The following WDR26 variants were observed in gnomAD, a reference collection of about 807,000 sequenced individuals.
WDR26 encodes the protein WD repeat-containing protein 26.
Under a neutral mutation model 84.1 loss-of-function variants are expected in WDR26, and 5 were observed. The ratio of observed to expected loss-of-function variants is 0.06; its 90% CI spans 0.03 to 0.13. The LOEUF (loss-of-function observed/expected upper bound fraction) is 0.13. Among genes scored for constraint, WDR26 ranks in the 10% least tolerant of loss-of-function variants. WDR26 has a pLI of 1.00. For missense variants in WDR26, 642 were observed against 974.9 expected (o/e 0.66, Z 4.55); for synonymous variants, 415 against 389.6 (o/e 1.07, Z -0.77).
rs951255288 is a variant in WDR26 at position 224,389,407 on chromosome 1, T to A, written c.*428A>T. On this transcript the variant is annotated 3_prime_UTR_variant, in exon 14 of 14. Coordinates refer to ENST00000414423, the MANE Select transcript of WDR26 (RefSeq NM_001379403.1). The stretch of plus-strand genomic sequence containing the variant: ...AAATTCTTTCCTATCCAATGTATAC[T>A]CTTCAGACTAATGCACTCTTTCTAT... 2.6e-6 allele frequency: 1 copy of A among 386,094 alleles called. No homozygotes were observed. Among genetic ancestry groups the A allele is most frequent in the African/African-American group, 2.1e-5 (1 of 47,844 alleles). 23.9% of individuals were successfully genotyped at this position (386,094 alleles called of 1,614,324 possible). A position where few individuals can be genotyped will look rare whatever the true frequency, so the allele number is the denominator to read the frequency against.
intron 6 of WDR26, among the ~76,000 whole-genome samples, chr1:224,412,368 CTGAGA>C (rs1321741865): frequency 2.0e-5 from 3 of 152,136 alleles, no homozygotes; most frequent in African/African-American, 4.8e-5. Flanking sequence ...AGCTATGATT[CTGAGA>C]TATTAAATTA....
chr1:224,430,310 A>G (rs1358389478), intron 3 of WDR26: 1 of 152,194 alleles, frequency 6.6e-6, no homozygotes, highest in Non-Finnish European at 1.5e-5. Context: ...CTTAGTCAAC[A>G]GTAGTTTAAA....
At chr1:224,427,323 A>G (rs972323547) in intron 3 of WDR26, among the ~76,000 whole-genome samples, 3 of 151,382 alleles carry the variant, frequency 2.0e-5, no homozygotes, top group African/African-American at 7.3e-5. Context: ...CTTAATATTT[A>G]TTTTTTTTGG....
rs558670033 is a variant in WDR26 at position 224,389,631 on chromosome 1, C to T, written c.*204G>A. 15 of 618,830 alleles carry T rather than the reference C, an allele frequency of 2.4e-5. No homozygotes were observed. The highest frequency in any genetic ancestry group is 3.4e-5 in the Non-Finnish European group (12 of 353,536). The allele number at this position is 618,830 out of a possible 1,614,324, so 38.3% of individuals were successfully genotyped here. A position where few individuals can be genotyped will look rare whatever the true frequency, so the allele number is the denominator to read the frequency against. ...AATAATTCAACATGGTGTCCAACAA[C>T]GTTCTAACGACGTGCTTCATCTCAA... On this transcript the variant is annotated 3_prime_UTR_variant, in exon 14 of 14. Transcript: ENST00000414423.
chr1:224,415,634 TG>T (rs1271821829), intron 6 of WDR26, among the ~76,000 whole-genome samples: 1 of 152,082 alleles, frequency 6.6e-6, no homozygotes, highest in Non-Finnish European at 1.5e-5. Flanking sequence ...CTATTTTTTT[TG>T]TATTTTTAGT....
Position 224,434,315 on chromosome 1 carries a change from G to A in WDR26, c.91C>T (p.Pro31Ser). The change falls in exon 1 of 14, where the codon CCC (proline) becomes TCC (serine). Residue 31 changes from proline (P) to serine (S), a missense_variant. Pro to Ser is a moderately conservative substitution (Grantham distance 74). Transcript: ENST00000414423. ...ACTCCCTCCGCCGCCGAGGCTCGGG[G>A]TTTCTTCCGCGGGGGCGGGGAGGCT... 1 of 1,232,630 alleles carries A rather than the reference G, an allele frequency of 8.1e-7. No individual in the cohort carries two copies. Among genetic ancestry groups the A allele is most frequent in the Non-Finnish European group, 1.0e-6 (1 of 988,658 alleles). 76.4% of individuals were successfully genotyped at this position (1,232,630 alleles called of 1,614,324 possible).
intron 12 of WDR26, among the ~76,000 whole-genome samples, chr1:224,396,908 AAAGAAAAG>A (rs143411004): frequency 0.17 from 25,321 of 151,908 alleles, 2,456 homozygotes; most frequent in Middle Eastern, 0.22. Context: ...AAAGAAAAGA[AAAGAAAAG>A]AAAAGGAATA....
In WDR26 at chr1:224,434,681, C is replaced by T; in HGVS notation, c.-276G>A. On this transcript the variant is annotated 5_prime_UTR_variant, in exon 1 of 14. Coordinates refer to ENST00000414423, the MANE Select transcript of WDR26 (RefSeq NM_001379403.1). ...GGCCCGCCGCTGGGCTGAGCCCCGG[C>T]AGTGGCTGCGGCGGCGGCGGCGGCG... 3.4e-6 allele frequency: 3 copies of T among 872,186 alleles called. No homozygotes were observed. Among genetic ancestry groups the T allele is most frequent in the Non-Finnish European group, 2.7e-6 (2 of 729,042 alleles). The allele number at this position is 872,186 out of a possible 1,614,324, so 54.0% of individuals were successfully genotyped here.
At chr1:224,433,020 G>A (rs1205402424) in intron 1 of WDR26, among the ~76,000 whole-genome samples, 1 of 152,200 alleles carries the variant, frequency 6.6e-6, no homozygotes, top group East Asian at 1.9e-4. Flanking sequence ...GTATTAAACT[G>A]AGATTTCAGA....
chr1:224,396,252 A>G lies in WDR26; in HGVS notation c.2074+1845T>C, dbSNP rs145806014. On this transcript the variant is annotated intron_variant, in intron 12 of 13. Coordinates refer to ENST00000414423, the MANE Select transcript of WDR26 (RefSeq NM_001379403.1). ...TTCTAAGTTAGTTTGGGCTTAAAAAAAAGTTTGGCTTTTCTAGGGATAATG... is the reference window on the plus strand; with the variant it reads ...TTCTAAGTTAGTTTGGGCTTAAAAAGAAGTTTGGCTTTTCTAGGGATAATG... 7.3e-4 allele frequency among the ~76,000 whole-genome samples: 111 copies of G among 152,330 alleles called. 1 individual carries two copies. In the East Asian group the frequency reaches 0.018, roughly 25 times the overall value.
At position 224,434,616 on chromosome 1, in the gene WDR26, T is replaced by A; in HGVS notation, c.-211A>T. 1 of 460,740 alleles carries A rather than the reference T, an allele frequency of 2.2e-6. No homozygotes were observed. The highest frequency in any genetic ancestry group is 2.7e-6 in the Non-Finnish European group (1 of 373,764). 28.5% of individuals were successfully genotyped at this position (460,740 alleles called of 1,614,324 possible). ...CAGCTCGGGGTGCGCGGCCCGGGGG[T>A]CGCGCCGGGGGGCGCCGCGGGGCGG... is the stretch of plus-strand genomic sequence containing the variant. On this transcript the variant is annotated 5_prime_UTR_variant, in exon 1 of 14. Coordinates refer to ENST00000414423, the MANE Select transcript of WDR26 (RefSeq NM_001379403.1).
chr1:224,411,608 A>C, intron 6 of WDR26, 43 bp from the exon 7 acceptor site: 1 of 1,508,522 alleles, frequency 6.6e-7, no homozygotes, highest in Non-Finnish European at 8.9e-7. Context: ...AAAACAGATT[A>C]GAGTAATAAT....
At chr1:224,412,400 A>G (rs1673764230) in intron 6 of WDR26, among the ~76,000 whole-genome samples, 1 of 152,096 alleles carries the variant, frequency 6.6e-6, no homozygotes, top group Non-Finnish European at 1.5e-5. Context: ...CTAAATCTCA[A>G]TTTTTCCAAC....
At position 224,389,134 on chromosome 1, in the gene WDR26, A is replaced by C. The variant is rs1673057028; in HGVS notation, c.*701T>G. ...AAATGTATACAAATGAAGTCACTTTAATCCTATAAATACTTCTTAATTTAT... is the reference window on the plus strand; with the variant it reads ...AAATGTATACAAATGAAGTCACTTTCATCCTATAAATACTTCTTAATTTAT... On this transcript the variant is annotated 3_prime_UTR_variant, in exon 14 of 14. Coordinates refer to ENST00000414423, the MANE Select transcript of WDR26 (RefSeq NM_001379403.1). 6.5e-6 allele frequency: 1 copy of C among 152,712 alleles called. No individual in the cohort carries two copies. The allele number at this position is 152,712 out of a possible 1,614,324, so 9.5% of individuals were successfully genotyped here.
chr1:224,434,717 G>C lies in WDR26; in HGVS notation c.-312C>G, dbSNP rs1674560670. ...GCGGCGGCGGCGGCGGGCGGCAGCG[G>C]AGGCAGCTGCCGCCTCTGTCCTCGG... On this transcript the variant is annotated 5_prime_UTR_variant, in exon 1 of 14. Transcript: ENST00000414423. 2.4e-5 allele frequency: 23 copies of C among 975,848 alleles called. No individual in the cohort carries two copies. In the South Asian group the frequency reaches 3.2e-4, roughly 14 times the overall value. The allele number at this position is 975,848 out of a possible 1,614,324, so 60.4% of individuals were successfully genotyped here.
chr1:224,431,540 A>C lies in WDR26; in HGVS notation c.864T>G (p.Ser288=). 1 of 1,614,128 alleles carries C rather than the reference A, an allele frequency of 6.2e-7. No homozygotes were observed. Among genetic ancestry groups the C allele is most frequent in the Non-Finnish European group, 8.5e-7 (1 of 1,179,990 alleles). Residue 288 remains serine (S), a synonymous_variant, in exon 3 of 14, where the codon TCT becomes TCG. Coordinates refer to ENST00000414423, the MANE Select transcript of WDR26 (RefSeq NM_001379403.1). ...CGCCTCTTACCACAATAGCATGAGG[A>C]GAATGCACTAAAGGCTTTAGTTCAT...
chr1:224,432,684 A>G (rs1292485100), intron 1 of WDR26, among the ~76,000 whole-genome samples: 3 of 152,214 alleles, frequency 2.0e-5, no homozygotes. Context: ...CCACTCCCCA[A>G]GAAATCCATA....
chr1:224,398,005 C>A (rs1352366894), intron 12 of WDR26, 92 bp downstream of exon 12: 1 of 1,484,356 alleles, frequency 6.7e-7, no homozygotes, highest in South Asian at 1.3e-5. Flanking sequence ...AACTTACTAC[C>A]CTGAATTTTC....
chr1:224,407,966 G>GT (rs2102901700), intron 7 of WDR26, among the ~76,000 whole-genome samples: 1 of 152,314 alleles, frequency 6.6e-6, no homozygotes, highest in Admixed American at 6.5e-5. Flanking sequence ...ATATTGGAAT[G>GT]TAAGCATTAA....
Sources: gnomAD v4.1 joint callset for allele counts (sites outside exome capture counted in the v4.1 genomes callset) on GRCh38, gnomAD v4.1.1 for gene constraint, MANE v1.5 for transcripts, NCBI Gene and HGNC (gene_info 2026-07-23, HGNC 2026-07-21) for gene names.